The following USH2A variants were observed in gnomAD, a reference collection of about 807,000 sequenced individuals.
USH2A encodes usherin.
USH2A carries 443 observed loss-of-function variants against 538.9 expected under a neutral mutation model. That is an observed-to-expected ratio of 0.82 (90% CI 0.76 to 0.89). USH2A has a LOEUF of 0.89. USH2A is among the 40% of genes least tolerant of loss of function. The pLI is 0.00. For missense variants in USH2A, 6,633 were observed against 6,324.8 expected, an observed-to-expected ratio of 1.05 and a Z score of -1.65; for synonymous variants, 2,413 against 2,273.5, an observed-to-expected ratio of 1.06 and a Z score of -1.75.
chr1:215,692,228 G>GGA (rs1178915326), intron 61 of USH2A, among the ~76,000 whole-genome samples: 3 of 152,160 alleles, frequency 2.0e-5, no homozygotes, highest in African/African-American at 7.2e-5. Flanking sequence ...GGGTGGAAGG[G>GGA]AGAACAGATG....
chr1:215,727,941 G>T, intron 61 of USH2A, 89 bp downstream of exon 61: 1 of 1,454,540 alleles, frequency 6.9e-7, no homozygotes. Flanking sequence ...AGCCCTAAGT[G>T]AAGAAAAATG....
At position 216,423,418 on chromosome 1, in the gene USH2A, G is replaced by A. The variant is rs2039712541; in HGVS notation, c.-409C>T. ...AACACTTGGTTACCTGAAGCTCAGA[G>A]CGTGGTCTGCTTGGTGGCCCTCTTG... On this transcript the variant is annotated 5_prime_UTR_variant, in exon 1 of 72. Transcript: ENST00000307340. 6.6e-6 allele frequency: 1 copy of A among 152,182 alleles called. No homozygotes were observed. Among genetic ancestry groups the A allele is most frequent in the African/African-American group, 2.4e-5 (1 of 41,440 alleles). The allele number at this position is 152,182 out of a possible 1,614,324, so 9.4% of individuals were successfully genotyped here.
intron 30 of USH2A, among the ~76,000 whole-genome samples, chr1:216,050,568 CT>C (rs1252954611): frequency 3.0e-5 from 1 of 33,460 alleles, no homozygotes; most frequent in Admixed American, 3.1e-4. Flanking sequence ...CTTTTTCTTT[CT>C]TTCTTTCTTT....
intron 16 of USH2A, chr1:216,201,755 GC>G (rs2035006121): frequency 1.3e-5 from 3 of 227,820 alleles, no homozygotes; most frequent in Middle Eastern, 5.0e-4. Context: ...CCCTGATAGA[GC>G]CGAGGAAGGT....
At chr1:216,320,462 C>A (rs778694845) in intron 9 of USH2A, among the ~76,000 whole-genome samples, 2 of 152,116 alleles carry the variant, frequency 1.3e-5, no homozygotes, top group Non-Finnish European at 2.9e-5. Context: ...TGAAGAACTG[C>A]TTTTCAGAAT....
chr1:215,926,094 T>G (rs555139632), intron 38 of USH2A, among the ~76,000 whole-genome samples: 23 of 151,870 alleles, frequency 1.5e-4, no homozygotes, highest in Non-Finnish European at 3.1e-4. Context: ...ATGAAGAAAG[T>G]GCAAGATACA....
At chr1:215,661,402 C>T (rs938225992) in intron 64 of USH2A, among the ~76,000 whole-genome samples, 2 of 152,136 alleles carry the variant, frequency 1.3e-5, no homozygotes, top group African/African-American at 2.4e-5. Flanking sequence ...TCTCAATGAC[C>T]CACTTTCTTC....
chr1:215,792,292 T>A (rs1571691167), intron 50 of USH2A, among the ~76,000 whole-genome samples: 2 of 152,204 alleles, frequency 1.3e-5, no homozygotes, highest in East Asian at 3.8e-4. Context: ...ATGCCTTCTT[T>A]CACAAAGAGC....
At chr1:215,982,744 G>C (rs1329304691) in intron 35 of USH2A, among the ~76,000 whole-genome samples, 3 of 152,158 alleles carry the variant, frequency 2.0e-5, no homozygotes, top group Non-Finnish European at 4.4e-5. Context: ...TGTCAGAACA[G>C]TCATGGTTAC....
At chr1:216,351,980 G>C (rs754056655) in intron 4 of USH2A, among the ~76,000 whole-genome samples, 1 of 152,126 alleles carries the variant, frequency 6.6e-6, no homozygotes, top group African/African-American at 2.4e-5. Context: ...GGATCAAAGT[G>C]AGAGAGCTTA....
intron 21 of USH2A, among the ~76,000 whole-genome samples, chr1:216,130,231 A>G (rs1571985070): frequency 6.6e-6 from 1 of 151,912 alleles, no homozygotes; most frequent in East Asian, 1.9e-4. Context: ...TTTAGTGGTG[A>G]TTTGTGAAAT....
intron 21 of USH2A, among the ~76,000 whole-genome samples, chr1:216,141,099 C>A (rs2033593253): frequency 6.6e-6 from 1 of 152,194 alleles, no homozygotes; most frequent in Non-Finnish European, 1.5e-5. Context: ...TCTCCATCAA[C>A]CTTCATAATT....
At chr1:216,106,182 ATATAAG>A (rs1287526922) in intron 21 of USH2A, among the ~76,000 whole-genome samples, 1 of 147,582 alleles carries the variant, frequency 6.8e-6, no homozygotes, top group Non-Finnish European at 1.5e-5. Flanking sequence ...ATATATAAAT[ATATAAG>A]TATATTAAGT....
At chr1:216,325,783 T>C (rs1156608666) in intron 5 of USH2A, among the ~76,000 whole-genome samples, 184 bp from the exon 6 acceptor site, 2 of 152,216 alleles carry the variant, frequency 1.3e-5, no homozygotes, top group Non-Finnish European at 2.9e-5. Flanking sequence ...TTCATTATCA[T>C]AAAATGTATA....
At chr1:216,040,875 G>GA (rs370085868) in intron 32 of USH2A, among the ~76,000 whole-genome samples, 1 of 151,554 alleles carries the variant, frequency 6.6e-6, no homozygotes, top group Non-Finnish European at 1.5e-5. Context: ...GGAGATCTTG[G>GA]AAAAAAAGAT....
intron 21 of USH2A, among the ~76,000 whole-genome samples, chr1:216,145,583 A>G (rs1223011646): frequency 6.6e-6 from 1 of 152,008 alleles, no homozygotes; most frequent in African/African-American, 2.4e-5. Flanking sequence ...GCCATGGATT[A>G]TATTCCCACA....
intron 61 of USH2A, among the ~76,000 whole-genome samples, chr1:215,692,526 T>C (rs1034150521): frequency 6.6e-6 from 1 of 152,130 alleles, no homozygotes; most frequent in African/African-American, 2.4e-5. Context: ...AATCTGTATA[T>C]GGCAAACTGA....
intron 64 of USH2A, among the ~76,000 whole-genome samples, chr1:215,666,913 A>T (rs1239651414): frequency 1.3e-5 from 2 of 152,016 alleles, no homozygotes; most frequent in African/African-American, 4.8e-5. Flanking sequence ...AACATGGTGA[A>T]ACCCCATCTC....
chr1:216,056,519 C>A (rs1397252367), intron 30 of USH2A, among the ~76,000 whole-genome samples: 1 of 152,122 alleles, frequency 6.6e-6, no homozygotes, highest in African/African-American at 2.4e-5. Context: ...CATTACTCCT[C>A]CCATTTGACC....
Sources: allele counts gnomAD v4.1 joint callset (sites outside exome capture counted in the v4.1 genomes callset), GRCh38; gene constraint gnomAD v4.1.1; transcripts MANE v1.5; gene names NCBI Gene and HGNC (gene_info 2026-07-23, HGNC 2026-07-21).